The following ANKRD6 variants were observed in gnomAD, a reference collection of about 807,000 sequenced individuals.
ANKRD6 encodes the protein ankyrin repeat domain-containing protein 6.
ANKRD6 carries 56 observed loss-of-function variants against 82.3 expected under a neutral mutation model. The ratio of observed to expected loss-of-function variants is 0.68; its 90% CI spans 0.55 to 0.85. The LOEUF (loss-of-function observed/expected upper bound fraction) is 0.85, where lower values mean the gene tolerates loss of function less well. Among genes scored for constraint, ANKRD6 ranks in the 40% least tolerant of loss-of-function variants. ANKRD6 has a pLI of 0.00. For synonymous variants in ANKRD6, 347 were observed against 352.1 expected (o/e 0.99, Z 0.16); for missense variants, 852 against 907.6 (o/e 0.94, Z 0.79).
At chr6:89,443,418 C>T (rs1771674642) in intron 1 of ANKRD6, among the ~76,000 whole-genome samples, 1 of 152,172 alleles carries the variant, frequency 6.6e-6, no homozygotes, top group African/African-American at 2.4e-5. Context: ...TCTGGGGAGG[C>T]ACACATTTAA....
chr6:89,498,411 C>G (rs1778880851), intron 1 of ANKRD6, among the ~76,000 whole-genome samples: 1 of 152,026 alleles, frequency 6.6e-6, no homozygotes, highest in South Asian at 2.1e-4. Context: ...CTATGACAAT[C>G]TGGGATATAA....
chr6:89,623,616 A>C (rs1369113284), intron 11 of ANKRD6, 72 bp downstream of exon 11: 1 of 1,519,674 alleles, frequency 6.6e-7, no homozygotes, highest in Non-Finnish European at 8.8e-7. Flanking sequence ...GCAGAGCGTC[A>C]TGCCCATCAG....
intron 1 of ANKRD6, among the ~76,000 whole-genome samples, chr6:89,479,601 T>TTTTATTTA (rs529057283): frequency 2.2e-3 from 328 of 149,712 alleles, no homozygotes; most frequent in African/African-American, 7.4e-3. Context: ...TATTTTTTAT[T>TTTTATTTA]TTTATTTATT....
At chr6:89,523,687 C>A (rs911558030) in intron 1 of ANKRD6, among the ~76,000 whole-genome samples, 2 of 152,162 alleles carry the variant, frequency 1.3e-5, no homozygotes, top group African/African-American at 4.8e-5. Flanking sequence ...CTGTGGCATA[C>A]CCAGGCTGCC....
chr6:89,434,707 G>A (rs574670191), intron 1 of ANKRD6, among the ~76,000 whole-genome samples: 1 of 152,280 alleles, frequency 6.6e-6, no homozygotes, highest in South Asian at 2.1e-4. Context: ...TTACAGGTGT[G>A]AGCCACTGTA....
chr6:89,520,563 T>C (rs1035589180), intron 1 of ANKRD6, among the ~76,000 whole-genome samples: 2 of 152,230 alleles, frequency 1.3e-5, no homozygotes, highest in African/African-American at 2.4e-5. Context: ...TGGCTTTGGC[T>C]GAGCCAGGTG....
At chr6:89,558,557 G>A (rs1583273004) in intron 1 of ANKRD6, among the ~76,000 whole-genome samples, 1 of 152,120 alleles carries the variant, frequency 6.6e-6, no homozygotes, top group South Asian at 2.1e-4. Context: ...AGTGGTTGCC[G>A]GGAGCTTTGG....
At chr6:89,495,132 G>A (rs1485552404) in intron 1 of ANKRD6, among the ~76,000 whole-genome samples, 1 of 152,234 alleles carries the variant, frequency 6.6e-6, no homozygotes, top group Non-Finnish European at 1.5e-5. Context: ...TACTCGGGAG[G>A]CTGAGGCAGG....
intron 1 of ANKRD6, among the ~76,000 whole-genome samples, chr6:89,544,646 G>A (rs200423687): frequency 2.9e-4 from 44 of 152,126 alleles, no homozygotes; most frequent in Middle Eastern, 6.8e-3. Context: ...CCCAGGAGGC[G>A]GAGGTTGCAG....
chr6:89,613,974 A>G, intron 7 of ANKRD6, 84 bp downstream of exon 7: 4 of 1,406,530 alleles, frequency 2.8e-6, no homozygotes, highest in Non-Finnish European at 3.9e-6. Flanking sequence ...ACGGGAGCAG[A>G]GGCTGCTGGG....
intron 1 of ANKRD6, chr6:89,508,935 C>T (rs780558086): frequency 2.0e-5 from 3 of 152,426 alleles, no homozygotes; most frequent in Admixed American, 2.0e-4. Flanking sequence ...CAGTACCCAC[C>T]TGGGCCAAGG....
At chr6:89,476,157 A>T (rs1156709789) in intron 1 of ANKRD6, among the ~76,000 whole-genome samples, 1 of 151,876 alleles carries the variant, frequency 6.6e-6, no homozygotes, top group East Asian at 1.9e-4. Context: ...TAATATGTGT[A>T]TGTTTTTGTG....
At position 89,631,565 on chromosome 6, in the gene ANKRD6, T is replaced by C. The variant is rs1807402852; in HGVS notation, c.*561T>C. 6.6e-6 allele frequency: 1 copy of C among 152,236 alleles called. No individual in the cohort carries two copies. Among genetic ancestry groups the C allele is most frequent in the Non-Finnish European group, 1.5e-5 (1 of 68,048 alleles). The allele number at this position is 152,236 out of a possible 1,614,324, so 9.4% of individuals were successfully genotyped here. A position where few individuals can be genotyped will look rare whatever the true frequency, so the allele number is the denominator to read the frequency against. The stretch of plus-strand genomic sequence containing the variant: ...GTTATCAGATTTTTGAGGAGAAATA[T>C]TTTCATGATGTCACAAGATCCAATA... On this transcript the variant is annotated 3_prime_UTR_variant, in exon 16 of 16. Coordinates refer to ENST00000339746, the MANE Select transcript of ANKRD6 (RefSeq NM_001242809.2).
chr6:89,628,884 A>G lies in ANKRD6; in HGVS notation c.1486-228A>G, dbSNP rs1173754605. 4 of 515,380 alleles carry G rather than the reference A, an allele frequency of 7.8e-6. No individual in the cohort carries two copies. The Admixed American group carries it at 9.7e-5, about 12-fold the overall frequency. 31.9% of individuals were successfully genotyped at this position (515,380 alleles called of 1,614,324 possible). The stretch of plus-strand genomic sequence containing the variant: ...CACCCCCTTGACACAAACACCTCCC[A>G]TGAGGCCCCACCTCCAACACTGGGG... On this transcript the variant is annotated intron_variant, in intron 14 of 15. Coordinates refer to ENST00000339746, the MANE Select transcript of ANKRD6 (RefSeq NM_001242809.2).
In ANKRD6 at chr6:89,584,267, T is replaced by C. The variant is rs369647746; in HGVS notation, c.121-11649T>C. Among the ~76,000 whole-genome samples, 25 of 152,290 alleles carry C rather than the reference T, an allele frequency of 1.6e-4. No individual in the cohort carries two copies. The East Asian group carries it at 4.6e-3, about 28-fold the overall frequency. On this transcript the variant is annotated intron_variant, in intron 2 of 15. Transcript: ENST00000339746. ...TGGGTGATTCTCCACATCCCCACCC[T>C]GGTAGTGCTGTAAAATGAAGAAGCC...
At chr6:89,508,842 C>T (rs1388565375) in intron 1 of ANKRD6, 5 of 152,156 alleles carry the variant, frequency 3.3e-5, no homozygotes, top group Non-Finnish European at 7.3e-5. Flanking sequence ...GTTCCTGACC[C>T]CAGAATAGGC....
At chr6:89,506,657 G>C (rs564873442) in intron 1 of ANKRD6, among the ~76,000 whole-genome samples, 1 of 152,316 alleles carries the variant, frequency 6.6e-6, no homozygotes, top group East Asian at 1.9e-4. Context: ...CCTCAACGAA[G>C]CTGGACAAAA....
intron 4 of ANKRD6, 110 bp downstream of exon 4, chr6:89,603,237 C>T: frequency 1.2e-6 from 1 of 808,864 alleles, no homozygotes; most frequent in Non-Finnish European, 2.0e-6. Context: ...TATTATAATT[C>T]CTGTCTTACC....
At chr6:89,555,526 A>G (rs912768949) in intron 1 of ANKRD6, among the ~76,000 whole-genome samples, 5 of 152,024 alleles carry the variant, frequency 3.3e-5, no homozygotes, top group African/African-American at 1.2e-4. Flanking sequence ...GGGTGATTTC[A>G]CCCTTGGGAC....
Sources: allele counts gnomAD v4.1 joint callset (sites outside exome capture counted in the v4.1 genomes callset), GRCh38; gene constraint gnomAD v4.1.1; transcripts MANE v1.5; gene names NCBI Gene and HGNC (gene_info 2026-07-23, HGNC 2026-07-21).